Variants in NDE1 observed in about 807,000 individuals in gnomAD.
The protein encoded by NDE1 is nudE neurodevelopment protein 1.
Under a neutral mutation model 43.4 loss-of-function variants are expected in NDE1, and 28 were observed. That is an observed-to-expected ratio of 0.65 (90% CI 0.48 to 0.89). NDE1 has a LOEUF of 0.89. Among genes scored for constraint, NDE1 ranks in the 40% least tolerant of loss-of-function variants. The probability of loss-of-function intolerance (pLI) is 0.00; values close to 1 mark genes in which losing one functional copy is unlikely to be tolerated. For synonymous variants in NDE1, 184 were observed against 172.0 expected (o/e 1.07, Z -0.55); for missense variants, 441 against 434.1 (o/e 1.02, Z -0.14).
upstream of NDE1, among the ~76,000 whole-genome samples, chr16:15,645,534 T>C (rs2036314795): frequency 6.6e-6 from 1 of 152,212 alleles, no homozygotes; most frequent in Admixed American, 6.5e-5. Flanking sequence ...GAATTACAAA[T>C]ACTTTTAAAA....
At position 15,725,003 on chromosome 16, in the gene NDE1, C is replaced by A; in HGVS notation, c.*752C>A. ...GCTCTCAACTTCATTCTAAGGGTGCCAAGAGACTGGTTAGTCAAAGCCTCT... is the reference window on the plus strand; with the variant it reads ...GCTCTCAACTTCATTCTAAGGGTGCAAAGAGACTGGTTAGTCAAAGCCTCT... On this transcript the variant is annotated 3_prime_UTR_variant, in exon 9 of 9. Transcript: ENST00000396354. 6.2e-7 allele frequency: 1 copy of A among 1,612,226 alleles called. No homozygotes were observed. Among genetic ancestry groups the A allele is most frequent in the Non-Finnish European group, 8.5e-7 (1 of 1,178,810 alleles).
intron 8 of NDE1, among the ~76,000 whole-genome samples, chr16:15,716,585 A>G (rs772897378): frequency 4.3e-4 from 66 of 152,148 alleles, no homozygotes; most frequent in Non-Finnish European, 8.8e-4. Flanking sequence ...GCAGTGGCAC[A>G]ATCTCGGCTC....
At chr16:15,721,607 AAG>A in intron 8 of NDE1, 2 of 1,614,010 alleles carry the variant, frequency 1.2e-6, no homozygotes, top group Non-Finnish European at 1.7e-6. Flanking sequence ...GCGTATTTGG[AAG>A]AGATGTTTTT....
intron 6 of NDE1, 59 bp downstream of exon 6, chr16:15,691,382 T>C: frequency 1.9e-6 from 3 of 1,570,590 alleles, no homozygotes; most frequent in Non-Finnish European, 2.6e-6. Flanking sequence ...TGGGTAAGAA[T>C]CTGGGGTGGG....
chr16:15,696,186 C>T (rs1228036324), intron 7 of NDE1, among the ~76,000 whole-genome samples: 2 of 147,314 alleles, frequency 1.4e-5, no homozygotes, highest in East Asian at 2.0e-4. Context: ...AAAAATTTTT[C>T]GTAATTAAAA....
rs1336353579 is a variant in NDE1 at position 15,694,211 on chromosome 16, G to T, written c.750G>T (p.Arg250=). The part of the protein sequence containing the change: ...TGGTPLTPAA[R]ISALNIVGDL... The stretch of plus-strand genomic sequence containing the variant: ...GGACCCCCCTCACACCTGCGGCCCG[G>T]ATATCAGCCCTCAACATTGTGGGAG... The change falls in exon 7 of 9, where the codon CGG becomes CGT. Residue 250 remains arginine, a synonymous_variant. Transcript: ENST00000396354. 3 of 1,613,436 alleles carry T rather than the reference G, an allele frequency of 1.9e-6. No homozygotes were observed. Among genetic ancestry groups the T allele is most frequent in the Non-Finnish European group, 1.7e-6 (2 of 1,180,040 alleles).
rs1478081136 is a variant in NDE1, at chr16:15,718,007, A to G, written c.948-6184A>G. The G allele has an allele frequency of 1.3e-5, 6 of 470,326 alleles. No individual in the cohort carries two copies. The East Asian group carries it at 2.5e-4, about 20-fold the overall frequency. The allele number at this position is 470,326 out of a possible 1,614,324, so 29.1% of individuals were successfully genotyped here. A position where few individuals can be genotyped will look rare whatever the true frequency, so the allele number is the denominator to read the frequency against. The stretch of plus-strand genomic sequence containing the variant: ...GCTCACTGGATAAGGTCAGAGCTTC[A>G]GCTAGGGGAAAACGCAATGAAAGAG... On this transcript the variant is annotated intron_variant, in intron 8 of 8. Transcript: ENST00000396354.
chr16:15,667,370 A>C lies in NDE1; in HGVS notation c.168A>C (p.Gln56His). The C allele has an allele frequency of 1.2e-6, 2 of 1,614,078 alleles. No homozygotes were observed. Among genetic ancestry groups the C allele is most frequent in the Non-Finnish European group, 1.7e-6 (2 of 1,179,998 alleles). ...CTGAATTGGAGACGCAGCTGCAACA[A>C]ATTGAAACCAGGAACAGAGACCTCC... is the stretch of plus-strand genomic sequence containing the variant. ...YEAELETQLQ[Q>H]IETRNRDLLS... is the part of the protein sequence containing the mutation. The change falls in exon 3 of 9, where the codon CAA becomes CAC. Residue 56 changes from glutamine to histidine, a missense_variant. Transcript: ENST00000396354.
At chr16:15,650,602 T>G (rs549513769) in intron 1 of NDE1, among the ~76,000 whole-genome samples, 48 of 152,324 alleles carry the variant, frequency 3.2e-4, no homozygotes, top group Non-Finnish European at 2.9e-5. Flanking sequence ...TGCGTTGGTC[T>G]CTCTCCCACC....
chr16:15,722,748 ATTTATT>A (rs1471593094), intron 8 of NDE1, among the ~76,000 whole-genome samples: 4 of 151,926 alleles, frequency 2.6e-5, no homozygotes, highest in African/African-American at 7.3e-5. Flanking sequence ...TCCTCATTTT[ATTTATT>A]TTTGAGACAG....
intron 3 of NDE1, 43 bp from the exon 4 acceptor site, chr16:15,677,758 A>T: frequency 6.2e-7 from 1 of 1,612,604 alleles, no homozygotes. Context: ...TAGCCTTCTC[A>T]GAAGTCTTAA....
chr16:15,717,142 G>C (rs751896922), intron 8 of NDE1: 1 of 1,614,114 alleles, frequency 6.2e-7, no homozygotes, highest in Non-Finnish European at 8.5e-7. Flanking sequence ...CCGCATACCT[G>C]GCCTCCTGCT....
intron 8 of NDE1, among the ~76,000 whole-genome samples, chr16:15,698,433 C>T (rs1220184960): frequency 6.6e-6 from 1 of 152,202 alleles, no homozygotes. Flanking sequence ...TTCAGGAATT[C>T]TGCAAGGTGT....
At chr16:15,720,905 C>T in intron 8 of NDE1, 1 of 1,614,046 alleles carries the variant, frequency 6.2e-7, no homozygotes, top group Non-Finnish European at 8.5e-7. Context: ...CCCTTTCGAA[C>T]TGGCCCTTGA....
At chr16:15,648,068 A>T (rs1050446344), upstream of NDE1, among the ~76,000 whole-genome samples, 9 of 151,240 alleles carry the variant, frequency 6.0e-5, no homozygotes, top group African/African-American at 1.5e-4. Context: ...TAATATATAT[A>T]TTTTTAGTTT....
At chr16:15,654,757 A>G (rs1264459176) in intron 1 of NDE1, among the ~76,000 whole-genome samples, 5 of 147,922 alleles carry the variant, frequency 3.4e-5, no homozygotes, top group Admixed American at 2.8e-4. Flanking sequence ...TGCTGCTCAC[A>G]TGCACATTTA....
chr16:15,696,736 C>T lies in NDE1; in HGVS notation c.823C>T (p.Arg275Trp), dbSNP rs769264617. Residue 275 changes from arginine (R) to tryptophan (W), a missense_variant, in exon 8 of 9, where the codon CGG (arginine) becomes TGG (tryptophan). Physicochemically the swap from Arg to Trp is moderately radical, Grantham distance 101 (BLOSUM62 -3). Coordinates refer to ENST00000396354, the MANE Select transcript of NDE1 (RefSeq NM_017668.3). ...ACTGGAGTCCAAACTCGCTTCCTGC[C>T]GGAACCTCGTGTACGATCAGTCCCC... ...GALESKLASC[R>W]NLVYDQSPNR... 14 of 1,614,074 alleles carry T rather than the reference C, an allele frequency of 8.7e-6. No homozygotes were observed. The highest frequency in any genetic ancestry group is 1.6e-4 in the Middle Eastern group (1 of 6,084).
intron 8 of NDE1, chr16:15,701,812 A>C (rs1479032853): frequency 6.6e-6 from 1 of 152,216 alleles, no homozygotes; most frequent in East Asian, 1.9e-4. Context: ...GCAGAGAATT[A>C]CGCTGCGATG....
rs1159818787 is a variant in NDE1 at position 15,721,625 on chromosome 16, C to T, written c.948-2566C>T. 6.2e-7 allele frequency: 1 copy of T among 1,614,152 alleles called. No homozygotes were observed. Among genetic ancestry groups the T allele is most frequent in the Non-Finnish European group, 8.5e-7 (1 of 1,180,032 alleles). The stretch of plus-strand genomic sequence containing the variant: ...TATTTGGAAGAGATGTTTTTCTCCT[C>T]GGCTAACAACTACAACACAAGACCC... On this transcript the variant is annotated intron_variant, in intron 8 of 8. Transcript: ENST00000396354.
Sources: gnomAD v4.1 joint callset for allele counts (sites outside exome capture counted in the v4.1 genomes callset) on GRCh38, gnomAD v4.1.1 for gene constraint, MANE v1.5 for transcripts, NCBI Gene and HGNC (gene_info 2026-07-23, HGNC 2026-07-21) for gene names.